Variants in CUL9 observed in about 807,000 individuals in gnomAD.
The protein encoded by CUL9 is cullin 9, also known as cullin-9.
CUL9 carries 79 observed loss-of-function variants against 272.6 expected under a neutral mutation model. The observed-to-expected ratio is 0.29, with a 90% confidence interval of 0.24 to 0.35. The LOEUF is 0.35. Among genes scored for constraint, CUL9 ranks in the 10% least tolerant of loss-of-function variants. The probability of loss-of-function intolerance (pLI) is 1.00; values close to 1 mark genes in which losing one functional copy is unlikely to be tolerated. For missense variants in CUL9, 2,532 were observed against 3,255.6 expected (o/e 0.78, Z 5.41); for synonymous variants, 1,186 against 1,286.5 (o/e 0.92, Z 1.67).
At position 43,187,888 on chromosome 6, in the gene CUL9, G is replaced by C. The variant is rs377731849; in HGVS notation, c.1757G>C (p.Arg586Pro). The C allele has an allele frequency of 1.2e-6, 2 of 1,613,934 alleles. No homozygotes were observed. Among genetic ancestry groups the C allele is most frequent in the Admixed American group, 1.7e-5 (1 of 59,996 alleles). Reference sequence around the variant, plus strand: ...GAACCAAGCAGCTCGTCTACTTCACGAAATCACTCCTGTACCCCAGATCCA... The same window carrying C: ...GAACCAAGCAGCTCGTCTACTTCACCAAATCACTCCTGTACCCCAGATCCA... ...SNEPSSSSTS[R>P]NHSCTPDPEE... The change falls in exon 7 of 41, where the codon CGA becomes CCA. Residue 586 changes from arginine to proline, a missense_variant. Arg to Pro is a moderately radical substitution (Grantham distance 103). Around this residue, in one of 3 missense-constraint regions of CUL9, gnomAD observed 2,218 missense variants for 2,788.6 expected, o/e 0.80. Transcript: ENST00000252050.
chr6:43,184,922 G>A lies in CUL9; in HGVS notation c.595+17G>A, dbSNP rs768006179. On this transcript the variant is annotated intron_variant, in intron 2 of 40. Transcript: ENST00000252050. The surrounding 1 kb of genome is among the most constrained non-coding windows in gnomAD (Gnocchi z 4.8). The stretch of plus-strand genomic sequence containing the variant: ...ACGATGCTGGTAAGAGACAGCCAGG[G>A]AAGAAGGAAAGGAATGGAGAAAATG... 2 of 1,567,114 alleles carry A rather than the reference G, an allele frequency of 1.3e-6. No individual in the cohort carries two copies. Among genetic ancestry groups the A allele is most frequent in the Non-Finnish European group, 1.7e-6 (2 of 1,155,624 alleles).
chr6:43,204,689 C>G, intron 21 of CUL9, 59 bp from the exon 22 acceptor site: 1 of 1,597,538 alleles, frequency 6.3e-7, no homozygotes, highest in Non-Finnish European at 8.6e-7. Flanking sequence ...CTACCCAAGA[C>G]CGGTGTACTC....
chr6:43,195,306 A>T (rs112877354), intron 9 of CUL9, among the ~76,000 whole-genome samples: 2 of 152,214 alleles, frequency 1.3e-5, no homozygotes, highest in South Asian at 4.1e-4. Context: ...CTCTGATTGT[A>T]TAGTGTCTAT....
chr6:43,185,410 A>G, intron 2 of CUL9, 46 bp from the exon 3 acceptor site: 3 of 1,584,568 alleles, frequency 1.9e-6, no homozygotes, highest in Non-Finnish European at 2.6e-6. Context: ...GCAGGGAGAA[A>G]GTACTGGGGA....
Position 43,184,775 on chromosome 6 carries a change from C to T in CUL9, c.465C>T (p.Ile155=), listed in dbSNP as rs753488842. Residue 155 remains isoleucine (I), a synonymous_variant, in exon 2 of 41, where the codon ATC becomes ATT. Transcript: ENST00000252050. The surrounding 1 kb of genome is among the most constrained non-coding windows in gnomAD (Gnocchi z 4.8). The part of the protein sequence containing the change: ...TIHVLSAYAS[I]GPLTGVFRET... ...ACGTGCTCAGTGCCTACGCCAGCAT[C>T]GGGCCCCTCACTGGTGTCTTCAGGG... 3.1e-6 allele frequency: 5 copies of T among 1,614,166 alleles called. No homozygotes were observed. Among genetic ancestry groups the T allele is most frequent in the East Asian group, 2.2e-5 (1 of 44,882 alleles).
chr6:43,188,786 G>A, intron 8 of CUL9, 71 bp downstream of exon 8: 1 of 1,302,868 alleles, frequency 7.7e-7, no homozygotes, highest in South Asian at 1.4e-5. Flanking sequence ...CGGGGAAGGA[G>A]CTTTGAGATC....
At chr6:43,222,484 G>A in intron 36 of CUL9, 47 bp from the exon 37 acceptor site, 2 of 1,608,276 alleles carry the variant, frequency 1.2e-6, no homozygotes, top group Non-Finnish European at 1.7e-6. Flanking sequence ...CCGGGCAGGT[G>A]GTGCTGCGCC....
In CUL9 at chr6:43,206,301, G is replaced by A; in HGVS notation, c.5023-20G>A. On this transcript the variant is annotated intron_variant, in intron 25 of 40. Transcript: ENST00000252050. This position sits in a 1 kb window ranked among gnomAD's most constrained non-coding sequence, Gnocchi z 4.8. The stretch of plus-strand genomic sequence containing the variant: ...CAAGGAAGGGAGCCCAAGGGCCCTT[G>A]AAATCCTTCTGTCCCTCAGGAGGAA... The A allele has an allele frequency of 6.2e-7, 1 of 1,613,474 alleles. No individual in the cohort carries two copies. The highest frequency in any genetic ancestry group is 1.1e-5 in the South Asian group (1 of 91,060).
intron 1 of CUL9, among the ~76,000 whole-genome samples, chr6:43,183,705 T>TCTTC (rs59921107): frequency 0.04 from 5,956 of 147,208 alleles, 154 homozygotes; most frequent in South Asian, 0.092. Flanking sequence ...TTCCTTCCTT[T>TCTTC]CTTCCTTCCT....
chr6:43,217,475 C>T (rs1456550714), intron 31 of CUL9, among the ~76,000 whole-genome samples: 1 of 152,200 alleles, frequency 6.6e-6, no homozygotes, highest in Non-Finnish European at 1.5e-5. Context: ...ACCTGGAGCA[C>T]TGAGTCCGAT....
At position 43,187,465 on chromosome 6, in the gene CUL9, G is replaced by A. The variant is rs754608063; in HGVS notation, c.1581+26G>A. The A allele has an allele frequency of 1.2e-5, 19 of 1,607,756 alleles. No homozygotes were observed. In the South Asian group the frequency reaches 1.7e-4, roughly 14 times the overall value. ...GTATTATAGGTCTGAGATACCTGGGGGTTTTCTAGTAGGGTTAGAGGTGGG... is the reference window on the plus strand; with the variant it reads ...GTATTATAGGTCTGAGATACCTGGGAGTTTTCTAGTAGGGTTAGAGGTGGG... On this transcript the variant is annotated intron_variant, in intron 6 of 40. Transcript: ENST00000252050.
chr6:43,206,425 ACT>A lies in CUL9; in HGVS notation c.5130_5131del (p.Cys1711LeufsTer15). 1 of 1,614,060 alleles carries A rather than the reference ACT, an allele frequency of 6.2e-7. No individual in the cohort carries two copies. The highest frequency in any genetic ancestry group is 8.5e-7 in the Non-Finnish European group (1 of 1,180,000). On this transcript the variant is annotated frameshift_variant, in exon 26 of 41. Transcript: ENST00000252050. LOFTEE classifies it high-confidence loss of function. This position sits in a 1 kb window ranked among gnomAD's most constrained non-coding sequence, Gnocchi z 4.8. ...LSPRCWPVSP[L>X]CYLYHPRKCL... ...CACCACGCTGCTGGCCCGTCTCCCC[ACT>A]CTGCTACCTGTACCATCCCAGAAAG...
In CUL9 at chr6:43,184,575, C is replaced by T; in HGVS notation, c.265C>T (p.Leu89Phe). 6.2e-7 allele frequency: 1 copy of T among 1,613,164 alleles called. No homozygotes were observed. The highest frequency in any genetic ancestry group is 1.7e-4 in the Middle Eastern group (1 of 6,058). Residue 89 changes from leucine to phenylalanine, a missense_variant, in exon 2 of 41, where the codon CTT becomes TTT. This residue lies in a region of CUL9 where 2,218 missense variants were observed against 2,788.6 expected (regional missense o/e 0.80). Transcript: ENST00000252050. This position sits in a 1 kb window ranked among gnomAD's most constrained non-coding sequence, Gnocchi z 4.8. ...AGGTGAGCGGGCACTATCTAAGGGACTTCAGCACGAACCAGCTGGGGTTTC... is the reference window on the plus strand; with the variant it reads ...AGGTGAGCGGGCACTATCTAAGGGATTTCAGCACGAACCAGCTGGGGTTTC... ...LLGERALSKG[L>F]QHEPAGVSGS...
intron 1 of CUL9, among the ~76,000 whole-genome samples, chr6:43,183,788 T>C (rs1772662336): frequency 6.6e-6 from 1 of 151,902 alleles, no homozygotes; most frequent in African/African-American, 2.4e-5. Context: ...AATCTCACTC[T>C]GTTGCCCAGG....
chr6:43,221,192 A>C lies in CUL9; in HGVS notation c.6623A>C (p.Gln2208Pro). ...CCTGCTAGCTGTGGCCATATGTCTCAGTGGGTCGACGACGGTGGCTACTAT... is the reference window on the plus strand; with the variant it reads ...CCTGCTAGCTGTGGCCATATGTCTCCGTGGGTCGACGACGGTGGCTACTAT... ...HYPASCGHMS[Q>P]WVDDGGYYDG... Residue 2208 changes from glutamine to proline, a missense_variant, in exon 34 of 41, where the codon CAG becomes CCG. By Grantham distance (76) the Gln-to-Pro change is moderately conservative. Around this residue, in one of 3 missense-constraint regions of CUL9, gnomAD observed 77 missense variants for 161.1 expected, o/e 0.48. Transcript: ENST00000252050. This position sits in a 1 kb window ranked among gnomAD's most constrained non-coding sequence, Gnocchi z 4.2. The C allele has an allele frequency of 6.2e-7, 1 of 1,611,240 alleles. No homozygotes were observed. Among genetic ancestry groups the C allele is most frequent in the Non-Finnish European group, 8.5e-7 (1 of 1,179,924 alleles).
At chr6:43,196,533 G>T in intron 10 of CUL9, 112 bp from the exon 11 acceptor site, 1 of 1,004,114 alleles carries the variant, frequency 1.0e-6, no homozygotes, top group South Asian at 1.3e-5. Flanking sequence ...CTGGCTCAGA[G>T]GGCCCACTGG....
chr6:43,190,410 T>G (rs1210672961), intron 8 of CUL9, among the ~76,000 whole-genome samples: 1 of 152,152 alleles, frequency 6.6e-6, no homozygotes, highest in Non-Finnish European at 1.5e-5. Context: ...GTTATTTATG[T>G]TCCAGATATT....
In CUL9 at chr6:43,223,519, A is replaced by T; in HGVS notation, c.7284+122A>T. ...GAAAGGCAGCAAAGCGGGTGAATGG[A>T]TGTTAGACCTGGGCGCACATCCCGG... On this transcript the variant is annotated intron_variant, in intron 39 of 40. Transcript: ENST00000252050. This position sits in a 1 kb window ranked among gnomAD's most constrained non-coding sequence, Gnocchi z 4.1. The T allele has an allele frequency of 7.4e-7, 1 of 1,351,052 alleles. No individual in the cohort carries two copies. Among genetic ancestry groups the T allele is most frequent in the Non-Finnish European group, 9.9e-7 (1 of 1,005,286 alleles). 83.7% of individuals were successfully genotyped at this position (1,351,052 alleles called of 1,614,324 possible).
chr6:43,202,824 G>A lies in CUL9; in HGVS notation c.3753+3G>A, dbSNP rs938890357. Reference sequence around the variant, plus strand: ...GCATCGGCACTGAGCTCAACACGGTGGGGACCCTTGTGCCCACCTTCACCT... The same window carrying A: ...GCATCGGCACTGAGCTCAACACGGTAGGGACCCTTGTGCCCACCTTCACCT... On this transcript the variant is annotated splice_donor_region_variant and intron_variant, in intron 17 of 40. Transcript: ENST00000252050. 2 of 1,613,490 alleles carry A rather than the reference G, an allele frequency of 1.2e-6. No homozygotes were observed. The highest frequency in any genetic ancestry group is 1.7e-6 in the Non-Finnish European group (2 of 1,179,494).
Sources: gnomAD v4.1 joint callset for allele counts (sites outside exome capture counted in the v4.1 genomes callset) on GRCh38, gnomAD v4.1.1 for gene constraint, gnomAD v4.1.1 regional missense constraint, Gnocchi (gnomAD v3.1) non-coding constraint, MANE v1.5 for transcripts, NCBI Gene and HGNC (gene_info 2026-07-23, HGNC 2026-07-21) for gene names.